The following GALNT8 variants were observed in gnomAD, a reference collection of about 807,000 sequenced individuals.
GALNT8 encodes the protein polypeptide N-acetylgalactosaminyltransferase 8, also known as probable polypeptide N-acetylgalactosaminyltransferase 8.
In GALNT8, 66 loss-of-function variants were observed where a neutral mutation model predicts 62.7. The ratio of observed to expected loss-of-function variants is 1.05; its 90% CI spans 0.86 to 1.29. GALNT8 has a LOEUF of 1.29. Among genes scored for constraint, GALNT8 ranks in the 50% most tolerant of loss-of-function variants. GALNT8 has a pLI of 0.00. For synonymous variants in GALNT8, 288 were observed against 294.3 expected, an observed-to-expected ratio of 0.98 and a Z score of 0.22; for missense variants, 771 against 791.8, an observed-to-expected ratio of 0.97 and a Z score of 0.32.
chr12:4,726,805 C>T lies in GALNT8; in HGVS notation c.485C>T (p.Thr162Ile), dbSNP rs755199203. ...YLSNQLPLNR[T>I]IPDTRDYRCL... Reference sequence around the variant, plus strand: ...AGCAACCAGCTGCCTCTCAATCGCACCATCCCCGACACGCGAGACTACAGG... The same window carrying T: ...AGCAACCAGCTGCCTCTCAATCGCATCATCCCCGACACGCGAGACTACAGG... Residue 162 changes from threonine (T) to isoleucine (I), a missense_variant, in exon 2 of 11, where the codon ACC becomes ATC. Coordinates refer to ENST00000252318, the MANE Select transcript of GALNT8 (RefSeq NM_017417.2). This position sits in a 1 kb window ranked among gnomAD's most constrained non-coding sequence, Gnocchi z 4.1. The T allele has an allele frequency of 2.6e-5, 42 of 1,613,280 alleles. No homozygotes were observed. Among genetic ancestry groups the T allele is most frequent in the Non-Finnish European group, 3.2e-5 (38 of 1,179,630 alleles).
At chr12:4,721,536 T>C (rs1247126181) in intron 1 of GALNT8, among the ~76,000 whole-genome samples, 1 of 152,192 alleles carries the variant, frequency 6.6e-6, no homozygotes, top group East Asian at 1.9e-4. Flanking sequence ...AATTAAGTGC[T>C]GTGCTTTAGA....
chr12:4,724,721 A>G (rs907746532), intron 1 of GALNT8, among the ~76,000 whole-genome samples: 2 of 152,170 alleles, frequency 1.3e-5, no homozygotes, highest in African/African-American at 4.8e-5. Flanking sequence ...TTTTTGCCCA[A>G]GTTTTTTCGA....
intron 6 of GALNT8, among the ~76,000 whole-genome samples, chr12:4,759,036 A>G (rs1022111193): frequency 6.6e-6 from 1 of 152,138 alleles, no homozygotes; most frequent in Non-Finnish European, 1.5e-5. Context: ...TCGGCCTCCC[A>G]AATTGCTGGG....
In GALNT8 at chr12:4,745,558, AC is replaced by A. The variant is rs1165265905; in HGVS notation, c.991del (p.Leu331SerfsTer22). The stretch of plus-strand genomic sequence containing the variant: ...TGGCAGTTGATGGGTTTAACTGGGA[AC>A]TCTGGTGCCGCTACGATGCACTGCC... ...ELAVDGFNWE[L>X]WCRYDALPQA... On this transcript the variant is annotated frameshift_variant, in exon 5 of 11. Transcript: ENST00000252318. LOFTEE classifies it high-confidence loss of function. The A allele has an allele frequency of 2.5e-6, 4 of 1,613,822 alleles. No individual in the cohort carries two copies. The highest frequency in any genetic ancestry group is 3.4e-6 in the Non-Finnish European group (4 of 1,179,882).
At position 4,720,579 on chromosome 12, in the gene GALNT8, ACT is replaced by A. The variant is rs1324729712; in HGVS notation, c.-94_-93del. The A allele has an allele frequency of 2.2e-5, 18 of 830,498 alleles. No homozygotes were observed. The African/African-American group carries it at 2.4e-4, about 11-fold the overall frequency. 51.4% of individuals were successfully genotyped at this position (830,498 alleles called of 1,614,324 possible). A position where few individuals can be genotyped will look rare whatever the true frequency, so the allele number is the denominator to read the frequency against. Reference sequence around the variant, plus strand: ...GAGACCAACTCAACTGGCACCTAGAACTCTCTTTCCCACAAAAGCTAGGCTGG... The same window carrying A: ...GAGACCAACTCAACTGGCACCTAGAACTCTTTCCCACAAAAGCTAGGCTGG... On this transcript the variant is annotated 5_prime_UTR_variant, in exon 1 of 11. It removes the in-frame stop codon of an upstream open reading frame in the 5' UTR. Transcript: ENST00000252318.
At chr12:4,748,586 G>A (rs1231661835) in intron 6 of GALNT8, among the ~76,000 whole-genome samples, 1 of 151,930 alleles carries the variant, frequency 6.6e-6, no homozygotes, top group African/African-American at 2.4e-5. Flanking sequence ...CTATGTGTCT[G>A]TTTTTATGCT....
At chr12:4,761,349 G>A (rs552490013) in intron 7 of GALNT8, among the ~76,000 whole-genome samples, 10 of 152,222 alleles carry the variant, frequency 6.6e-5, no homozygotes, top group African/African-American at 1.4e-4. Context: ...CTTATTAGCC[G>A]TCACAACATA....
intron 10 of GALNT8, 30 bp downstream of exon 10, chr12:4,765,576 G>GT (rs1555070836): frequency 1.8e-5 from 28 of 1,554,568 alleles, no homozygotes; most frequent in Non-Finnish European, 2.0e-5. Context: ...TTGTTGGTTT[G>GT]TTTGTTTTGT....
At chr12:4,731,790 G>T (rs1946223128) in intron 2 of GALNT8, among the ~76,000 whole-genome samples, 1 of 152,154 alleles carries the variant, frequency 6.6e-6, no homozygotes. Context: ...TACATATAGA[G>T]ATTTGTGTAT....
chr12:4,746,075 A>T, intron 5 of GALNT8, 69 bp from the exon 6 acceptor site: 1 of 863,796 alleles, frequency 1.2e-6, no homozygotes, highest in South Asian at 1.4e-5. Context: ...CCAAATAATC[A>T]TTGAGCATCC....
At chr12:4,745,793 C>T (rs1412780052) in intron 5 of GALNT8, among the ~76,000 whole-genome samples, 167 bp downstream of exon 5, 1 of 152,074 alleles carries the variant, frequency 6.6e-6, no homozygotes, top group Non-Finnish European at 1.5e-5. Context: ...TAAGTTATCC[C>T]AGTTAAGAAA....
At chr12:4,755,022 G>A (rs1946338405) in intron 6 of GALNT8, among the ~76,000 whole-genome samples, 1 of 152,216 alleles carries the variant, frequency 6.6e-6, no homozygotes, top group Admixed American at 6.5e-5. Context: ...GTGGAAGGAA[G>A]GGGTCTGTTT....
chr12:4,761,235 G>T, intron 7 of GALNT8, 92 bp downstream of exon 7: 2 of 1,035,944 alleles, frequency 1.9e-6, no homozygotes, highest in Non-Finnish European at 2.9e-6. Context: ...AAGTGCCATC[G>T]CAGCCCTAAA....
chr12:4,731,726 A>G (rs890955619), intron 2 of GALNT8, among the ~76,000 whole-genome samples: 1 of 152,170 alleles, frequency 6.6e-6, no homozygotes, highest in African/African-American at 2.4e-5. Flanking sequence ...GATTTTTCGC[A>G]TCTATTGAGA....
chr12:4,731,663 A>G (rs1946222577), intron 2 of GALNT8, among the ~76,000 whole-genome samples: 1 of 152,016 alleles, frequency 6.6e-6, no homozygotes, highest in African/African-American at 2.4e-5. Flanking sequence ...ATTCTTCTAT[A>G]CCTAATTAGT....
intron 2 of GALNT8, among the ~76,000 whole-genome samples, chr12:4,734,937 G>A (rs890927802): frequency 3.9e-5 from 6 of 152,212 alleles, no homozygotes; most frequent in African/African-American, 1.2e-4. Context: ...TACATGTTGT[G>A]AGCATTTTGG....
At chr12:4,772,357 C>A in intron 10 of GALNT8, 88 bp from the exon 11 acceptor site, 2 of 1,192,100 alleles carry the variant, frequency 1.7e-6, no homozygotes, top group Admixed American at 1.8e-5. Flanking sequence ...AAGAATGTGG[C>A]TGAGCACAGC....
Position 4,750,569 on chromosome 12 carries a change from A to G in GALNT8, c.1173+4311A>G, listed in dbSNP as rs545141512. 9.2e-5 allele frequency among the ~76,000 whole-genome samples: 14 copies of G among 152,180 alleles called. No homozygotes were observed. The South Asian group carries it at 2.7e-3, about 29-fold the overall frequency. ...GTATTCCTTGGTGTGTATGTACTAC[A>G]TTTTCATTATCCAGTCTATCATTGA... On this transcript the variant is annotated intron_variant, in intron 6 of 10. Transcript: ENST00000252318.
chr12:4,766,913 A>G (rs1233073763), intron 10 of GALNT8, among the ~76,000 whole-genome samples: 2 of 151,712 alleles, frequency 1.3e-5, no homozygotes, highest in Admixed American at 1.3e-4. Context: ...ATTTGCTTAC[A>G]GTTTCAGAGG....
Sources: allele counts gnomAD v4.1 joint callset (sites outside exome capture counted in the v4.1 genomes callset), GRCh38; gene constraint gnomAD v4.1.1; non-coding constraint Gnocchi (gnomAD v3.1); transcripts MANE v1.5; gene names NCBI Gene and HGNC (gene_info 2026-07-23, HGNC 2026-07-21).